The following IKZF1 variants were observed in gnomAD, a reference collection of about 807,000 sequenced individuals.
The protein encoded by IKZF1 is DNA-binding protein Ikaros.
IKZF1 carries 10 observed loss-of-function variants against 51.7 expected under a neutral mutation model. The observed-to-expected ratio is 0.19, with a 90% CI of 0.12 to 0.33. The LOEUF (loss-of-function observed/expected upper bound fraction) is 0.33. Ranked by LOEUF, IKZF1 falls within the 10% of genes least tolerant of loss-of-function variation. IKZF1 has a pLI of 1.00. For missense variants in IKZF1, 484 were observed against 707.5 expected, an observed-to-expected ratio of 0.68 and a Z score of 3.58; for synonymous variants, 280 against 282.3, an observed-to-expected ratio of 0.99 and a Z score of 0.08.
At chr7:50,314,688 T>A (rs936215088) in intron 1 of IKZF1, among the ~76,000 whole-genome samples, 1 of 152,214 alleles carries the variant, frequency 6.6e-6, no homozygotes, top group Non-Finnish European at 1.5e-5. Context: ...AGAGAGGTAT[T>A]CACTGTCAGA....
At position 50,370,323 on chromosome 7, in the gene IKZF1, G is replaced by A. The variant is rs537354093; in HGVS notation, c.161-6210G>A. On this transcript the variant is annotated intron_variant, in intron 3 of 7. Transcript: ENST00000331340. ...AGGAAGCTTAATTCATTGGTCAGGT[G>A]GGGACTAACAGTGTACATTATACCT... Among the ~76,000 whole-genome samples the A allele has an allele frequency of 1.6e-4, 24 of 152,322 alleles. No individual in the cohort carries two copies. In the East Asian group the frequency reaches 4.2e-3, roughly 27 times the overall value.
intron 1 of IKZF1, among the ~76,000 whole-genome samples, chr7:50,306,048 T>G (rs1313235952): frequency 1.3e-5 from 2 of 152,228 alleles, no homozygotes; most frequent in Non-Finnish European, 2.9e-5. Context: ...ATTATTTATA[T>G]TAGAATGTGT....
intron 3 of IKZF1, among the ~76,000 whole-genome samples, chr7:50,363,829 G>T (rs577098804): frequency 2.0e-5 from 3 of 152,266 alleles, no homozygotes; most frequent in Non-Finnish European, 4.4e-5. Flanking sequence ...TGGAGTATTT[G>T]GTCCTCCCAT....
intron 3 of IKZF1, among the ~76,000 whole-genome samples, chr7:50,342,345 C>T (rs2099471122): frequency 6.6e-6 from 1 of 152,184 alleles, no homozygotes; most frequent in Admixed American, 6.5e-5. Flanking sequence ...TGTAGAAAAA[C>T]ATGACATTTA....
intron 7 of IKZF1, 101 bp downstream of exon 7, chr7:50,391,964 AT>A: frequency 7.1e-6 from 10 of 1,410,614 alleles, no homozygotes; most frequent in Non-Finnish European, 9.3e-6. Flanking sequence ...AAAAAATCTT[AT>A]TTTTTCAAAA....
chr7:50,390,273 CTGT>C lies in IKZF1; in HGVS notation c.716-1455_716-1453del, dbSNP rs1814677605. Among the ~76,000 whole-genome samples the C allele has an allele frequency of 1.2e-4, 19 of 152,160 alleles. No individual in the cohort carries two copies. In the South Asian group the frequency reaches 3.7e-3, roughly 30 times the overall value. ...CTGACCTCTGGGAGCCCTGGGCAGG[CTGT>C]GGGTGTGGCTTGGCAGAGAAGGATG... On this transcript the variant is annotated intron_variant, in intron 6 of 7. Coordinates refer to ENST00000331340, the MANE Select transcript of IKZF1 (RefSeq NM_006060.6).
chr7:50,341,252 T>C (rs1352153617), intron 3 of IKZF1, among the ~76,000 whole-genome samples: 1 of 151,246 alleles, frequency 6.6e-6, no homozygotes, highest in Non-Finnish European at 1.5e-5. Flanking sequence ...CAAGTGATTC[T>C]CCTGTCCCAG....
intron 1 of IKZF1, chr7:50,318,292 TTTC>T (rs1792123007): frequency 4.3e-6 from 1 of 230,076 alleles, no homozygotes; most frequent in East Asian, 6.1e-5. Flanking sequence ...CAGTTGTTTC[TTTC>T]TTTTCTTTTT....
At chr7:50,338,663 A>G (rs1798349440) in intron 3 of IKZF1, among the ~76,000 whole-genome samples, 1 of 152,244 alleles carries the variant, frequency 6.6e-6, no homozygotes, top group South Asian at 2.1e-4. Context: ...AACAGAGTAC[A>G]GCCTTAACAT....
intron 3 of IKZF1, among the ~76,000 whole-genome samples, chr7:50,330,052 T>C (rs1796100641): frequency 6.6e-6 from 1 of 152,188 alleles, no homozygotes; most frequent in Non-Finnish European, 1.5e-5. Flanking sequence ...CTGGTTGGCA[T>C]TACTGATGGG....
chr7:50,339,170 A>T (rs1798464610), intron 3 of IKZF1, among the ~76,000 whole-genome samples: 1 of 150,944 alleles, frequency 6.6e-6, no homozygotes, highest in African/African-American at 2.4e-5. Context: ...CTGACAGCTG[A>T]AATTTGACAG....
At chr7:50,348,697 TAAAC>T (rs1001137467) in intron 3 of IKZF1, among the ~76,000 whole-genome samples, 3 of 152,134 alleles carry the variant, frequency 2.0e-5, no homozygotes, top group Admixed American at 6.5e-5. Context: ...TAGTAAAAAA[TAAAC>T]AAACAAGGCA....
chr7:50,308,475 G>T (rs762214205), intron 1 of IKZF1, among the ~76,000 whole-genome samples: 43 of 152,242 alleles, frequency 2.8e-4, no homozygotes, highest in Non-Finnish European at 5.6e-4. Context: ...TAACAGGCCT[G>T]GCCTTAATTC....
At chr7:50,340,369 C>T (rs1477777386) in intron 3 of IKZF1, among the ~76,000 whole-genome samples, 3 of 152,336 alleles carry the variant, frequency 2.0e-5, no homozygotes, top group Non-Finnish European at 4.4e-5. Context: ...TGTCGATTTC[C>T]ACTGAAATCA....
chr7:50,359,479 C>A (rs1177113646), intron 3 of IKZF1, among the ~76,000 whole-genome samples: 4 of 152,214 alleles, frequency 2.6e-5, no homozygotes, highest in Non-Finnish European at 5.9e-5. Flanking sequence ...ATCTGACATT[C>A]CGAACAGTGG....
intron 1 of IKZF1, among the ~76,000 whole-genome samples, chr7:50,306,151 C>T (rs1311095426): frequency 2.0e-5 from 3 of 152,186 alleles, no homozygotes; most frequent in Non-Finnish European, 4.4e-5. Context: ...CACCTTCTTA[C>T]GCTGGCATCT....
At chr7:50,392,849 C>G (rs1815559660) in intron 7 of IKZF1, among the ~76,000 whole-genome samples, 2 of 152,074 alleles carry the variant, frequency 1.3e-5, no homozygotes, top group Admixed American at 1.3e-4. Context: ...AACCAGAATG[C>G]TGACCATGAG....
chr7:50,374,726 T>C (rs1163436690), intron 3 of IKZF1, among the ~76,000 whole-genome samples: 1 of 152,244 alleles, frequency 6.6e-6, no homozygotes, highest in East Asian at 1.9e-4. Context: ...GGTGCTATAA[T>C]AATTTCCATT....
intron 3 of IKZF1, among the ~76,000 whole-genome samples, chr7:50,372,374 G>T (rs535709196): frequency 1.1e-4 from 17 of 152,188 alleles, no homozygotes; most frequent in Non-Finnish European, 2.1e-4. Context: ...CCAGCACCTG[G>T]CAGTCATCCA....
Sources: gnomAD v4.1 joint callset for allele counts (sites outside exome capture counted in the v4.1 genomes callset) on GRCh38, gnomAD v4.1.1 for gene constraint, MANE v1.5 for transcripts, NCBI Gene and HGNC (gene_info 2026-07-23, HGNC 2026-07-21) for gene names.